HSD11B1: variants seen among roughly 807,000 people sequenced by gnomAD.
HSD11B1 encodes 11-beta-hydroxysteroid dehydrogenase 1.
HSD11B1 carries 15 observed loss-of-function variants against 22.1 expected under a neutral mutation model. The ratio of observed to expected loss-of-function variants is 0.68; its 90% CI spans 0.45 to 1.04. The LOEUF is 1.04. HSD11B1 is among the 50% of genes least tolerant of loss of function. The pLI is 0.00. For synonymous variants in HSD11B1, 122 were observed against 125.2 expected, an observed-to-expected ratio of 0.97 and a Z score of 0.17; for missense variants, 281 against 357.6, an observed-to-expected ratio of 0.79 and a Z score of 1.73.
intron 4 of HSD11B1, among the ~76,000 whole-genome samples, chr1:209,712,179 A>G (rs997705640): frequency 6.6e-6 from 1 of 152,212 alleles, no homozygotes; most frequent in African/African-American, 2.4e-5. Context: ...GAGAATATAA[A>G]TGTGCCCAAA....
At chr1:209,691,246 A>G (rs1019789890) in intron 1 of HSD11B1, among the ~76,000 whole-genome samples, 2 of 152,228 alleles carry the variant, frequency 1.3e-5, no homozygotes, top group African/African-American at 4.8e-5. Context: ...AAGGTAATAC[A>G]AGGACAAGCG....
chr1:209,713,969 C>T (rs2076914305), intron 4 of HSD11B1, among the ~76,000 whole-genome samples: 1 of 152,194 alleles, frequency 6.6e-6, no homozygotes, highest in South Asian at 2.1e-4. Flanking sequence ...AGCATAACTT[C>T]ATGTCTGAGA....
At chr1:209,697,291 C>T (rs950420927) in intron 1 of HSD11B1, among the ~76,000 whole-genome samples, 1 of 152,154 alleles carries the variant, frequency 6.6e-6, no homozygotes, top group African/African-American at 2.4e-5. Context: ...ACAAACTAGC[C>T]CTCCCCTCTC....
chr1:209,717,863 C>A (rs752437521), intron 4 of HSD11B1, among the ~76,000 whole-genome samples: 2 of 127,244 alleles, frequency 1.6e-5, no homozygotes, highest in African/African-American at 3.3e-5. Flanking sequence ...CAGGGTTAGA[C>A]TCCATCTCAA....
intron 1 of HSD11B1, among the ~76,000 whole-genome samples, chr1:209,698,491 C>A (rs560405973): frequency 6.6e-6 from 1 of 152,342 alleles, no homozygotes; most frequent in African/African-American, 2.4e-5. Flanking sequence ...AGAAAAAACA[C>A]AAGATGGGCC....
At chr1:209,710,216 G>A (rs1055853754) in intron 4 of HSD11B1, among the ~76,000 whole-genome samples, 1 of 152,182 alleles carries the variant, frequency 6.6e-6, no homozygotes, top group African/African-American at 2.4e-5. Flanking sequence ...AGTCAAAATA[G>A]GTCATCTTAG....
chr1:209,721,046 A>C (rs1483481454), intron 4 of HSD11B1, among the ~76,000 whole-genome samples: 3 of 152,140 alleles, frequency 2.0e-5, no homozygotes. Context: ...TGGAAAGTAG[A>C]GATTGTGATG....
chr1:209,700,401 G>A (rs549879564), upstream of HSD11B1, among the ~76,000 whole-genome samples: 42 of 152,330 alleles, frequency 2.8e-4, no homozygotes, highest in South Asian at 8.7e-3. Context: ...GCTAAAGCCT[G>A]AGCTCTAGGC....
chr1:209,699,972 G>A (rs565909910), upstream of HSD11B1, among the ~76,000 whole-genome samples: 8 of 152,330 alleles, frequency 5.3e-5, no homozygotes, highest in South Asian at 1.7e-3. Context: ...GGTTCCCATG[G>A]TCTTGGGCAG....
In HSD11B1 at chr1:209,704,959, A is replaced by C. The variant is rs754900453; in HGVS notation, c.17A>C (p.Lys6Thr). 10 of 1,613,642 alleles carry C rather than the reference A, an allele frequency of 6.2e-6. No individual in the cohort carries two copies. In the South Asian group the frequency reaches 1.1e-4, roughly 18 times the overall value. MAFMK[K>T]YLLPILGLFM... ...CCCTGTCGGATGGCTTTTATGAAAA[A>C]ATATCTCCTCCCCATTCTGGGGCTC... The change falls in exon 1 of 6, where the codon AAA becomes ACA. Residue 6 changes from lysine (K) to threonine (T), a missense_variant. Lys to Thr is a moderately conservative substitution (Grantham distance 78). Coordinates refer to ENST00000367027, the MANE Select transcript of HSD11B1 (RefSeq NM_005525.4).
At position 209,705,935 on chromosome 1, in the gene HSD11B1, A is replaced by C. The variant is rs1571872166; in HGVS notation, c.213A>C (p.Leu71=). The C allele has an allele frequency of 6.2e-7, 1 of 1,613,744 alleles. No individual in the cohort carries two copies. Among genetic ancestry groups the C allele is most frequent in the African/African-American group, 1.3e-5 (1 of 74,896 alleles). Residue 71 remains leucine, a synonymous_variant, in exon 2 of 6, where the codon CTA becomes CTC. Transcript: ENST00000367027. ...TGACAGCGAGGTCAAAAGAAACTCT[A>C]CAGAAGGTGAGGGTTCTATGCTCGC... ...VVVTARSKET[L]QKVVSHCLEL... is the part of the protein sequence containing the mutation.
chr1:209,692,608 G>GGGGGTA (rs759595141), intron 1 of HSD11B1, among the ~76,000 whole-genome samples: 1 of 11,008 alleles, frequency 9.1e-5, no homozygotes, highest in Non-Finnish European at 1.6e-4. Flanking sequence ...TTAAAATGGC[G>GGGGGTA]GGGGGGGGGG....
chr1:209,707,649 A>G (rs2076868828), intron 4 of HSD11B1, among the ~76,000 whole-genome samples: 1 of 152,062 alleles, frequency 6.6e-6, no homozygotes, highest in Non-Finnish European at 1.5e-5. Flanking sequence ...TTTAAGTAGC[A>G]GAGAAAAAGC....
Position 209,729,871 on chromosome 1 carries a change from G to A in HSD11B1, c.518-2565G>A, listed in dbSNP as rs116676329. Reference sequence around the variant, plus strand: ...ATACATCACATCAACAGAATCAAAGGCAAAAATATATAATCATTTCAGTAG... The same window carrying A: ...ATACATCACATCAACAGAATCAAAGACAAAAATATATAATCATTTCAGTAG... On this transcript the variant is annotated intron_variant, in intron 4 of 5. Transcript: ENST00000367027. Among the ~76,000 whole-genome samples, 1,281 of 152,078 alleles carry A rather than the reference G, an allele frequency of 8.4e-3. 12 individuals carry two copies. Among genetic ancestry groups the A allele is most frequent in the African/African-American group, 0.028 (1,165 of 41,496 alleles).
chr1:209,703,166 C>G (rs887169690), upstream of HSD11B1, among the ~76,000 whole-genome samples: 1 of 152,018 alleles, frequency 6.6e-6, no homozygotes, highest in East Asian at 1.9e-4. Flanking sequence ...CTTTAAAATT[C>G]TTTATTTATT....
chr1:209,717,205 GA>G (rs964924238), intron 4 of HSD11B1, among the ~76,000 whole-genome samples: 2 of 151,318 alleles, frequency 1.3e-5, no homozygotes, highest in African/African-American at 4.9e-5. Context: ...AACTCAATAG[GA>G]AAAAAAACTA....
At chr1:209,698,803 G>A (rs1222493250) in intron 1 of HSD11B1, among the ~76,000 whole-genome samples, 3 of 152,082 alleles carry the variant, frequency 2.0e-5, no homozygotes, top group African/African-American at 4.8e-5. Context: ...ATCTCCACTG[G>A]GGGCAGGGAT....
chr1:209,705,732 C>T, intron 1 of HSD11B1, 79 bp from the exon 2 acceptor site: 2 of 1,567,438 alleles, frequency 1.3e-6, no homozygotes, highest in Non-Finnish European at 1.8e-6. Flanking sequence ...TTGCGATAAG[C>T]ATGCCTATAT....
intron 4 of HSD11B1, among the ~76,000 whole-genome samples, chr1:209,731,339 A>C (rs948549964): frequency 6.6e-6 from 1 of 152,240 alleles, no homozygotes; most frequent in African/African-American, 2.4e-5. Context: ...CTTTGGAGGA[A>C]TGTGACAGAA....
Sources: allele counts gnomAD v4.1 joint callset (sites outside exome capture counted in the v4.1 genomes callset), GRCh38; gene constraint gnomAD v4.1.1; transcripts MANE v1.5; gene names NCBI Gene and HGNC (gene_info 2026-07-23, HGNC 2026-07-21).